ZDHHC11: variants seen among roughly 807,000 people sequenced by gnomAD.
The protein encoded by ZDHHC11 is zDHHC palmitoyltransferase 11, also known as palmitoyltransferase ZDHHC11.
In ZDHHC11, 44 loss-of-function variants were observed where a neutral mutation model predicts 51.3. The observed-to-expected ratio is 0.86, with a 90% CI of 0.67 to 1.10. ZDHHC11 has a LOEUF of 1.10. Ranked by LOEUF, ZDHHC11 falls within the 50% of genes least tolerant of loss-of-function variation. The probability of loss-of-function intolerance (pLI) is 0.00; values close to 1 mark genes in which losing one functional copy is unlikely to be tolerated. For synonymous variants in ZDHHC11, 163 were observed against 222.0 expected, an observed-to-expected ratio of 0.73 and a Z score of 2.36; for missense variants, 400 against 537.7, an observed-to-expected ratio of 0.74 and a Z score of 2.53.
At chr5:835,887 C>G (rs1743769159) in intron 6 of ZDHHC11, among the ~76,000 whole-genome samples, 1 of 151,596 alleles carries the variant, frequency 6.6e-6, no homozygotes, top group African/African-American at 2.4e-5. Context: ...TTTTTCATTG[C>G]TGGTGGATAG....
chr5:854,828 C>T (rs1396303029), upstream of ZDHHC11, among the ~76,000 whole-genome samples: 4 of 145,472 alleles, frequency 2.7e-5, no homozygotes, highest in Non-Finnish European at 4.6e-5. Flanking sequence ...GACAGCGAGC[C>T]GGGGGGCACA....
Position 821,919 on chromosome 5 carries a change from C to T in ZDHHC11, c.1024-24G>A, listed in dbSNP as rs1158396111. ...TCCTGTGGGGAAGTGAAGCAAAATT[C>T]ATAGAATGAATTGACATTGAACTTA... On this transcript the variant is annotated intron_variant, in intron 8 of 12. Transcript: ENST00000283441. 1.9e-6 allele frequency: 3 copies of T among 1,593,804 alleles called. No individual in the cohort carries two copies. The South Asian group carries it at 3.4e-5, about 18-fold the overall frequency.
chr5:804,103 C>T (rs1308637848), intron 11 of ZDHHC11, among the ~76,000 whole-genome samples: 1 of 151,300 alleles, frequency 6.6e-6, no homozygotes, highest in African/African-American at 2.4e-5. Context: ...CCATTATCAG[C>T]AGTTGTGTTT....
rs1467016392 is a variant in ZDHHC11, at chr5:850,946, C to T, written c.-344G>A. ...GATTTGTTACGTTCTGGGGAGTGCT[C>T]GACAGCCCCCACACAGCGACAGGTC... On this transcript the variant is annotated 5_prime_UTR_variant, in exon 1 of 13. Transcript: ENST00000283441. 1.1e-5 allele frequency: 4 copies of T among 380,242 alleles called. No individual in the cohort carries two copies. The highest frequency in any genetic ancestry group is 4.7e-5 in the East Asian group (1 of 21,262). 23.6% of individuals were successfully genotyped at this position (380,242 alleles called of 1,614,324 possible).
At chr5:801,443 A>C (rs1238887473) in intron 11 of ZDHHC11, among the ~76,000 whole-genome samples, 1 of 151,958 alleles carries the variant, frequency 6.6e-6, no homozygotes, top group Non-Finnish European at 1.5e-5. Flanking sequence ...TGTGGTAGCC[A>C]AGGAGGCTTG....
chr5:818,194 G>C (rs1160889450), intron 10 of ZDHHC11, among the ~76,000 whole-genome samples: 2 of 151,178 alleles, frequency 1.3e-5, no homozygotes, highest in Admixed American at 1.3e-4. Flanking sequence ...CAGAGAGACC[G>C]AGGGGACTCA....
At chr5:845,257 A>G in intron 3 of ZDHHC11, among the ~76,000 whole-genome samples, 1 of 152,280 alleles carries the variant, frequency 6.6e-6, no homozygotes, top group Non-Finnish European at 1.5e-5. Context: ...GACACGCCCT[A>G]CCCTGCCCCC....
upstream of ZDHHC11, among the ~76,000 whole-genome samples, chr5:854,763 CG>C (rs1747897414): frequency 1.4e-5 from 2 of 146,044 alleles, no homozygotes; most frequent in South Asian, 2.2e-4. Context: ...GACAGCGAGC[CG>C]GAGGGCACAG....
chr5:824,322 G>T (rs1244897764), intron 8 of ZDHHC11, among the ~76,000 whole-genome samples: 1 of 151,468 alleles, frequency 6.6e-6, no homozygotes, highest in Non-Finnish European at 1.5e-5. Flanking sequence ...TTGGCTGGGC[G>T]TGGTGGCATA....
Position 850,565 on chromosome 5 carries a change from G to C in ZDHHC11, c.38C>G (p.Pro13Arg). Residue 13 changes from proline (P) to arginine (R), a missense_variant, in exon 1 of 13, where the codon CCA becomes CGA. By Grantham distance (103) the Pro-to-Arg change is moderately radical. Around this residue, in one of 5 missense-constraint regions of ZDHHC11, gnomAD observed 119 missense variants for 99.6 expected, o/e 1.20. Transcript: ENST00000283441. ...TRSGSQCSVT[P>R]EAILNNEKLV... ...CTTTTCATTATTGAGTATGGCTTCT[G>C]GGGTGACGGAACACTGGCTCCCGGA... 1 of 1,613,558 alleles carries C rather than the reference G, an allele frequency of 6.2e-7. No individual in the cohort carries two copies. Among genetic ancestry groups the C allele is most frequent in the Non-Finnish European group, 8.5e-7 (1 of 1,180,024 alleles).
At chr5:838,713 C>G (rs970155320) in intron 5 of ZDHHC11, among the ~76,000 whole-genome samples, 11 of 152,214 alleles carry the variant, frequency 7.2e-5, no homozygotes, top group African/African-American at 2.7e-4. Flanking sequence ...GAAGCCCATT[C>G]CAAGTGCAGT....
intron 1 of ZDHHC11, among the ~76,000 whole-genome samples, chr5:849,435 A>C (rs1341823891): frequency 6.6e-6 from 1 of 151,896 alleles, no homozygotes; most frequent in African/African-American, 2.4e-5. Context: ...CATACCAGAG[A>C]CCCCTGAGCA....
intron 2 of ZDHHC11, chr5:847,875 G>C: frequency 3.5e-6 from 2 of 577,622 alleles, no homozygotes; most frequent in Non-Finnish European, 6.1e-6. Flanking sequence ...TAGACCCCCC[G>C]CCAGCCGTCC....
chr5:840,156 G>A, intron 5 of ZDHHC11: 4 of 645,084 alleles, frequency 6.2e-6, no homozygotes, highest in Non-Finnish European at 1.1e-5. Flanking sequence ...ATAATGTCCT[G>A]TTCTTGCCTA....
At chr5:835,436 T>C (rs1018221671) in intron 6 of ZDHHC11, among the ~76,000 whole-genome samples, 1 of 151,836 alleles carries the variant, frequency 6.6e-6, no homozygotes, top group Non-Finnish European at 1.5e-5. Context: ...CACACTGTTT[T>C]TATTACTGTA....
Position 840,475 on chromosome 5 carries a change from GC to G in ZDHHC11, c.784+19del, listed in dbSNP as rs766801783. The G allele has an allele frequency of 8.7e-6, 14 of 1,613,120 alleles. No homozygotes were observed. The South Asian group carries it at 1.4e-4, about 16-fold the overall frequency. ...CCACCCAGCCTTGGGGGGATCGGGG[GC>G]TTAGGGTGGGGGACATACTCAGGTA... is the stretch of plus-strand genomic sequence containing the variant. On this transcript the variant is annotated intron_variant, in intron 5 of 12. Transcript: ENST00000283441.
intron 11 of ZDHHC11, among the ~76,000 whole-genome samples, chr5:808,990 C>G (rs1450673287): frequency 1.7e-5 from 2 of 118,502 alleles, no homozygotes; most frequent in Non-Finnish European, 3.1e-5. Flanking sequence ...CAGTTACACA[C>G]ACACACACAC....
At chr5:859,477 A>G (rs1246974886), upstream of ZDHHC11, among the ~76,000 whole-genome samples, 1 of 152,042 alleles carries the variant, frequency 6.6e-6, no homozygotes, top group Non-Finnish European at 1.5e-5. Flanking sequence ...AAACCCCTAC[A>G]ACAACCAACA....
intron 6 of ZDHHC11, among the ~76,000 whole-genome samples, chr5:835,796 T>G (rs770089853): frequency 1.1e-4 from 17 of 151,942 alleles, no homozygotes; most frequent in Non-Finnish European, 2.4e-4. Context: ...TAGCTTTCAG[T>G]GTACATATTT....
Sources: allele counts gnomAD v4.1 joint callset (sites outside exome capture counted in the v4.1 genomes callset), GRCh38; gene constraint gnomAD v4.1.1; regional missense constraint gnomAD v4.1.1; transcripts MANE v1.5; gene names NCBI Gene and HGNC (gene_info 2026-07-23, HGNC 2026-07-21).